The following ATP1B1 variants were observed in gnomAD, a reference collection of about 807,000 sequenced individuals.
ATP1B1 encodes the protein sodium/potassium-transporting ATPase subunit beta-1.
Under a neutral mutation model 39.6 loss-of-function variants are expected in ATP1B1, and 3 were observed. That is an observed-to-expected ratio of 0.08 (90% CI 0.03 to 0.20). The LOEUF (loss-of-function observed/expected upper bound fraction) is 0.20. ATP1B1 is among the 10% of genes least tolerant of loss of function. The pLI, the probability that ATP1B1 is intolerant of heterozygous loss-of-function variation, is 1.00. For synonymous variants in ATP1B1, 139 were observed against 135.0 expected, an observed-to-expected ratio of 1.03 and a Z score of -0.20; for missense variants, 216 against 371.1, an observed-to-expected ratio of 0.58 and a Z score of 3.43.
At chr1:169,126,753 C>G (rs1163786769) in intron 3 of ATP1B1, among the ~76,000 whole-genome samples, 1 of 152,012 alleles carries the variant, frequency 6.6e-6, no homozygotes, top group Non-Finnish European at 1.5e-5. Context: ...AATACCAGTT[C>G]CTTTTTAAAA....
intron 2 of ATP1B1, among the ~76,000 whole-genome samples, chr1:169,121,492 G>A (rs1051355325): frequency 2.6e-4 from 39 of 152,242 alleles, no homozygotes; most frequent in African/African-American, 4.1e-4. Flanking sequence ...AATGAAAAGC[G>A]CTCAGCATAA....
At chr1:169,108,908 G>C (rs1657666451) in intron 1 of ATP1B1, among the ~76,000 whole-genome samples, 1 of 152,200 alleles carries the variant, frequency 6.6e-6, no homozygotes, top group African/African-American at 2.4e-5. Flanking sequence ...TGTAAAAACT[G>C]TCAGAGCCTC....
intron 2 of ATP1B1, among the ~76,000 whole-genome samples, chr1:169,121,987 G>T (rs943134321): frequency 6.7e-6 from 1 of 149,296 alleles, no homozygotes; most frequent in African/African-American, 2.4e-5. Context: ...TCCTTCACTT[G>T]TCTAGCCATC....
chr1:169,106,791 C>A lies in ATP1B1; in HGVS notation c.-39C>A. On this transcript the variant is annotated 5_prime_UTR_variant, in exon 1 of 6. Coordinates refer to ENST00000367815, the MANE Select transcript of ATP1B1 (RefSeq NM_001677.4). Reference sequence around the variant, plus strand: ...CGCCAGGGCGCGCGCCGCAGCCACCCACCCTCCGGACCGCGGCAGCTGCTG... The same window carrying A: ...CGCCAGGGCGCGCGCCGCAGCCACCAACCCTCCGGACCGCGGCAGCTGCTG... The A allele has an allele frequency of 6.5e-7, 1 of 1,536,842 alleles. No homozygotes were observed. Among genetic ancestry groups the A allele is most frequent in the Non-Finnish European group, 8.8e-7 (1 of 1,138,296 alleles).
rs75691343 is a variant in ATP1B1 at position 169,130,275 on chromosome 1, A to T, written c.648+185A>T. 2.4e-3 allele frequency among the ~76,000 whole-genome samples: 372 copies of T among 152,334 alleles called. 9 individuals carry two copies. In the East Asian group the frequency reaches 0.059, roughly 24 times the overall value. On this transcript the variant is annotated intron_variant, in intron 5 of 5. Coordinates refer to ENST00000367815, the MANE Select transcript of ATP1B1 (RefSeq NM_001677.4). ...AGGTAAAACTTTTTAAAAGAACAGA[A>T]AGATGTAATCAGAATAAGACTGATG...
rs1375538537 is a variant in ATP1B1 at position 169,106,777 on chromosome 1, G to C, written c.-53G>C. ...AGCGGCGCAGAGGACGCCAGGGCGC[G>C]CGCCGCAGCCACCCACCCTCCGGAC... On this transcript the variant is annotated 5_prime_UTR_variant, in exon 1 of 6. Transcript: ENST00000367815. 1 of 1,473,458 alleles carries C rather than the reference G, an allele frequency of 6.8e-7. No homozygotes were observed. The highest frequency in any genetic ancestry group is 9.2e-7 in the Non-Finnish European group (1 of 1,090,702). The allele number at this position is 1,473,458 out of a possible 1,614,324, so 91.3% of individuals were successfully genotyped here.
chr1:169,111,861 C>T (rs1019883290), intron 2 of ATP1B1, among the ~76,000 whole-genome samples: 1 of 152,160 alleles, frequency 6.6e-6, no homozygotes, highest in Non-Finnish European at 1.5e-5. Flanking sequence ...CAGACCTTTT[C>T]AACTCTAACA....
At chr1:169,115,626 G>A (rs1657827660) in intron 2 of ATP1B1, among the ~76,000 whole-genome samples, 1 of 152,120 alleles carries the variant, frequency 6.6e-6, no homozygotes, top group Non-Finnish European at 1.5e-5. Flanking sequence ...TGGGATTACA[G>A]GCGTGAGCCA....
chr1:169,110,541 C>T, intron 1 of ATP1B1: 1 of 881,408 alleles, frequency 1.1e-6, no homozygotes, highest in Non-Finnish European at 1.5e-6. Flanking sequence ...CTGATAGCCA[C>T]CCTCATTCCC....
At chr1:169,121,344 C>T (rs537314802) in intron 2 of ATP1B1, among the ~76,000 whole-genome samples, 1 of 152,270 alleles carries the variant, frequency 6.6e-6, no homozygotes, top group South Asian at 2.1e-4. Flanking sequence ...CCCCTAGGCT[C>T]CTGGGGAATG....
intron 2 of ATP1B1, among the ~76,000 whole-genome samples, chr1:169,112,487 C>T (rs533692950): frequency 6.6e-6 from 1 of 152,356 alleles, no homozygotes; most frequent in South Asian, 2.1e-4. Context: ...CTTGTCCCTT[C>T]TCTGCTTTCC....
chr1:169,114,038 C>A (rs150837734), intron 2 of ATP1B1, among the ~76,000 whole-genome samples: 1 of 151,794 alleles, frequency 6.6e-6, no homozygotes, highest in African/African-American at 2.4e-5. Flanking sequence ...GCCAGGCCAG[C>A]AGAGTGCCGA....
rs560764376 is a variant in ATP1B1, at chr1:169,113,092, G to T, written c.226+1594G>T. On this transcript the variant is annotated intron_variant, in intron 2 of 5. Coordinates refer to ENST00000367815, the MANE Select transcript of ATP1B1 (RefSeq NM_001677.4). ...AATTCTTTTTTTTTTTTGAGACAGA[G>T]TTTTGCTCTGTCACCTAGGCTGGAG... 7.0e-4 allele frequency among the ~76,000 whole-genome samples: 105 copies of T among 151,040 alleles called. 2 individuals are homozygous for T. The highest frequency in any genetic ancestry group is 4.4e-3 in the South Asian group (21 of 4,794).
chr1:169,125,145 T>A (rs897990101), intron 3 of ATP1B1, 106 bp downstream of exon 3: 7 of 1,385,096 alleles, frequency 5.1e-6, no homozygotes, highest in Non-Finnish European at 6.8e-6. Flanking sequence ...CCTGAAATAA[T>A]GAAAGATTGA....
At position 169,131,753 on chromosome 1, in the gene ATP1B1, G is replaced by A; in HGVS notation, c.*198G>A. ...ATAGCAACAAAATATTTATTCTACT[G>A]TAAATGACAAAAGAAAAAGAAAAAT... On this transcript the variant is annotated 3_prime_UTR_variant, in exon 6 of 6. Transcript: ENST00000367815. The surrounding 1 kb of genome is among the most constrained non-coding windows in gnomAD (Gnocchi z 4.4). 1.5e-6 allele frequency: 1 copy of A among 687,512 alleles called. No individual in the cohort carries two copies. The highest frequency in any genetic ancestry group is 2.3e-6 in the Non-Finnish European group (1 of 440,874). 42.6% of individuals were successfully genotyped at this position (687,512 alleles called of 1,614,324 possible). A position where few individuals can be genotyped will look rare whatever the true frequency, so the allele number is the denominator to read the frequency against.
chr1:169,106,782 G>GCAGC lies in ATP1B1; in HGVS notation c.-45_-42dup. 1 of 1,500,646 alleles carries GCAGC rather than the reference G, an allele frequency of 6.7e-7. No homozygotes were observed. The highest frequency in any genetic ancestry group is 2.7e-5 in the East Asian group (1 of 37,232). The allele number at this position is 1,500,646 out of a possible 1,614,324, so 93.0% of individuals were successfully genotyped here. A position where few individuals can be genotyped will look rare whatever the true frequency, so the allele number is the denominator to read the frequency against. On this transcript the variant is annotated 5_prime_UTR_variant, in exon 1 of 6. Transcript: ENST00000367815. Reference sequence around the variant, plus strand: ...CGCAGAGGACGCCAGGGCGCGCGCCGCAGCCACCCACCCTCCGGACCGCGG... The same window carrying GCAGC: ...CGCAGAGGACGCCAGGGCGCGCGCCGCAGCCAGCCACCCACCCTCCGGACCGCGG...
At position 169,109,276 on chromosome 1, in the gene ATP1B1, T is replaced by TA. The variant is rs1657677161; in HGVS notation, c.98-2090dup. On this transcript the variant is annotated intron_variant, in intron 1 of 5. Transcript: ENST00000367815. ...AAAAAACCTCTGTATTACTTTTTTT[T>TA]AAAAGAAGAAAAATTGCGTGAAAGG... Among the ~76,000 whole-genome samples the TA allele has an allele frequency of 3.3e-5, 5 of 152,338 alleles. No homozygotes were observed. In the South Asian group the frequency reaches 1.0e-3, roughly 32 times the overall value.
Position 169,125,294 on chromosome 1 carries a change from T to G in ATP1B1, c.382+255T>G, listed in dbSNP as rs1036876965. ...ACTCCTAGGTACTATTTTTTACTAT[T>G]CAGAGCCAAGACAGCAATTCCGGTT... On this transcript the variant is annotated intron_variant, in intron 3 of 5. Transcript: ENST00000367815. Among the ~76,000 whole-genome samples, 6 of 151,800 alleles carry G rather than the reference T, an allele frequency of 4.0e-5. No homozygotes were observed. The South Asian group carries it at 1.3e-3, about 32-fold the overall frequency.
intron 2 of ATP1B1, among the ~76,000 whole-genome samples, chr1:169,113,357 A>G (rs1657767560): frequency 6.6e-6 from 1 of 152,112 alleles, no homozygotes; most frequent in Non-Finnish European, 1.5e-5. Flanking sequence ...ATGAGCTACC[A>G]TGCCTGGCCT....
Sources: gnomAD v4.1 joint callset for allele counts (sites outside exome capture counted in the v4.1 genomes callset) on GRCh38, gnomAD v4.1.1 for gene constraint, Gnocchi (gnomAD v3.1) non-coding constraint, MANE v1.5 for transcripts, NCBI Gene and HGNC (gene_info 2026-07-23, HGNC 2026-07-21) for gene names.